Variants in APP observed in about 807,000 individuals in gnomAD.
APP encodes amyloid-beta precursor protein.
APP carries 31 observed loss-of-function variants against 101.4 expected under a neutral mutation model. The observed-to-expected ratio is 0.31, with a 90% confidence interval of 0.23 to 0.41. The LOEUF (loss-of-function observed/expected upper bound fraction) is 0.41. Ranked by LOEUF, APP falls within the 10% of genes least tolerant of loss-of-function variation. The probability of loss-of-function intolerance (pLI) is 1.00; values close to 1 mark genes in which losing one functional copy is unlikely to be tolerated. For synonymous variants in APP, 366 were observed against 364.4 expected (o/e 1.00, Z -0.05); for missense variants, 839 against 1,003.7 (o/e 0.84, Z 2.22).
chr21:26,035,429 G>A (rs1192633957), intron 5 of APP, among the ~76,000 whole-genome samples: 1 of 152,094 alleles, frequency 6.6e-6, no homozygotes, highest in African/African-American at 2.4e-5. Context: ...GGGGAGAGTC[G>A]GGGGAAAGAG....
chr21:25,972,600 A>G, intron 11 of APP, among the ~76,000 whole-genome samples: 1 of 151,518 alleles, frequency 6.6e-6, no homozygotes, highest in Admixed American at 6.6e-5. Context: ...ACAGTCATGC[A>G]ATCACAGCTC....
At chr21:26,146,245 A>T (rs2063152172) in intron 1 of APP, among the ~76,000 whole-genome samples, 1 of 152,202 alleles carries the variant, frequency 6.6e-6, no homozygotes, top group South Asian at 2.1e-4. Flanking sequence ...CTGAGGCAGG[A>T]GAATCACTTG....
At chr21:26,149,759 T>A (rs1261812773) in intron 1 of APP, among the ~76,000 whole-genome samples, 1 of 152,046 alleles carries the variant, frequency 6.6e-6, no homozygotes, top group East Asian at 1.9e-4. Flanking sequence ...AAGAAGGGAG[T>A]AAACTGAGTA....
intron 9 of APP, among the ~76,000 whole-genome samples, chr21:25,976,250 G>C (rs2042219784): frequency 6.6e-6 from 1 of 152,004 alleles, no homozygotes; most frequent in Non-Finnish European, 1.5e-5. Flanking sequence ...ATTTATTGCA[G>C]GAATATAGCT....
intron 13 of APP, among the ~76,000 whole-genome samples, chr21:25,952,191 TACACACACAC>T (rs57270357): frequency 2.7e-4 from 38 of 139,994 alleles, no homozygotes; most frequent in Middle Eastern, 3.5e-3. Flanking sequence ...ATTACATACA[TACACACACAC>T]ACACACACAC....
chr21:26,010,133 G>C (rs946634870), intron 6 of APP, among the ~76,000 whole-genome samples: 1 of 150,636 alleles, frequency 6.6e-6, no homozygotes, highest in Non-Finnish European at 1.5e-5. Context: ...GAACAGCAGT[G>C]TCTCTGGTTA....
chr21:25,911,933 A>G lies in APP; in HGVS notation c.1717T>C (p.Ser573Pro), dbSNP rs2039096972. The change falls in exon 14 of 18, where the codon TCA (serine) becomes CCA (proline). Residue 573 changes from serine (S) to proline (P), a missense_variant. Transcript: ENST00000346798. ...ATCATGTTGGCCAAGACGTCATCTG[A>G]ATAGTTTTGCTCTTTCTGAAGCAGC... ...DELLQKEQNY[S>P]DDVLANMISE... is the part of the protein sequence containing the mutation. 6.2e-7 allele frequency: 1 copy of G among 1,614,058 alleles called. No individual in the cohort carries two copies. The highest frequency in any genetic ancestry group is 1.3e-5 in the African/African-American group (1 of 74,908).
intron 2 of APP, among the ~76,000 whole-genome samples, chr21:26,094,602 T>C (rs140188092): frequency 6.7e-6 from 1 of 149,018 alleles, no homozygotes; most frequent in East Asian, 2.0e-4. Flanking sequence ...AGCTCATTTA[T>C]AAAGATATAA....
chr21:26,059,734 C>G (rs1246163977), intron 3 of APP, among the ~76,000 whole-genome samples: 14 of 151,488 alleles, frequency 9.2e-5, no homozygotes. Flanking sequence ...ACTAAAAATA[C>G]AAAAAAATTA....
intron 8 of APP, among the ~76,000 whole-genome samples, chr21:25,989,366 T>C (rs1190261647): frequency 6.6e-6 from 1 of 152,228 alleles, no homozygotes; most frequent in Non-Finnish European, 1.5e-5. Flanking sequence ...CACATTCATA[T>C]AAGAATGTGG....
intron 1 of APP, among the ~76,000 whole-genome samples, chr21:26,118,605 T>G (rs568780560): frequency 6.6e-6 from 1 of 152,176 alleles, no homozygotes; most frequent in Non-Finnish European, 1.5e-5. Context: ...CAGGCTGGAG[T>G]GCAGCGGGGT....
chr21:26,123,398 T>C (rs2062615830), intron 1 of APP, among the ~76,000 whole-genome samples: 1 of 152,258 alleles, frequency 6.6e-6, no homozygotes, highest in Admixed American at 6.5e-5. Flanking sequence ...ATTGTTCAAA[T>C]TGTATTCTGT....
chr21:26,097,497 T>C (rs1410626009), intron 2 of APP, among the ~76,000 whole-genome samples: 6 of 61,176 alleles, frequency 9.8e-5, no homozygotes, highest in African/African-American at 2.1e-4. Context: ...TAAATAGTTG[T>C]TGGATTATGG....
chr21:26,012,791 T>C (rs1225210524), intron 6 of APP, among the ~76,000 whole-genome samples: 2 of 151,982 alleles, frequency 1.3e-5, no homozygotes, highest in Admixed American at 6.6e-5. Context: ...CTGGCCAACG[T>C]GGTGAAACCC....
intron 1 of APP, among the ~76,000 whole-genome samples, chr21:26,121,441 G>A (rs2062568095): frequency 6.6e-6 from 1 of 151,896 alleles, no homozygotes; most frequent in African/African-American, 2.4e-5. Context: ...AGGCTGGAGT[G>A]CAGTAGCGTG....
Position 25,975,980 on chromosome 21 carries a change from T to C in APP, c.1273A>G (p.Lys425Glu), listed in dbSNP as rs2042209442. 1 of 1,613,992 alleles carries C rather than the reference T, an allele frequency of 6.2e-7. No homozygotes were observed. The highest frequency in any genetic ancestry group is 8.5e-7 in the Non-Finnish European group (1 of 1,179,900). The change falls in exon 10 of 18, where the codon AAA becomes GAA. Residue 425 changes from lysine to glutamate, a missense_variant. Physicochemically the swap from Lys to Glu is moderately conservative, Grantham distance 56. Coordinates refer to ENST00000346798, the MANE Select transcript of APP (RefSeq NM_000484.4). Reference protein sequence around the residue: ...EAERQAKNLPKADKKAVIQHF... With the variant: ...EAERQAKNLPEADKKAVIQHF... ...TGGATAACTGCCTTCTTATCAGCTT[T>C]AGGCAAGTTCTTTGCTTGACGTTCT...
chr21:26,050,450 C>T (rs974413577), intron 5 of APP, among the ~76,000 whole-genome samples: 3 of 151,618 alleles, frequency 2.0e-5, no homozygotes, highest in African/African-American at 7.3e-5. Context: ...GAAAAAGAGG[C>T]GAAAATAGGT....
intron 1 of APP, among the ~76,000 whole-genome samples, chr21:26,152,118 T>C (rs1209152214): frequency 2.0e-5 from 3 of 150,970 alleles, no homozygotes; most frequent in African/African-American, 4.9e-5. Context: ...CTACTAAAAA[T>C]ACAAAACAAA....
At chr21:26,111,812 A>G (rs1050984440) in intron 2 of APP, among the ~76,000 whole-genome samples, 167 bp downstream of exon 2, 3 of 152,234 alleles carry the variant, frequency 2.0e-5, no homozygotes, top group Admixed American at 6.5e-5. Context: ...ATTTATATGT[A>G]TATCATAGGG....
Sources: allele counts gnomAD v4.1 joint callset (sites outside exome capture counted in the v4.1 genomes callset), GRCh38; gene constraint gnomAD v4.1.1; transcripts MANE v1.5; gene names NCBI Gene and HGNC (gene_info 2026-07-23, HGNC 2026-07-21).